ZDHHC5: variants seen among roughly 807,000 people sequenced by gnomAD.
ZDHHC5 encodes palmitoyltransferase ZDHHC5.
In ZDHHC5, 22 loss-of-function variants were observed where a neutral mutation model predicts 70.0. That is an observed-to-expected ratio of 0.31 (90% confidence interval 0.22 to 0.45). The LOEUF (loss-of-function observed/expected upper bound fraction) is 0.45, where lower values mean the gene tolerates loss of function less well. Among genes scored for constraint, ZDHHC5 ranks in the 20% least tolerant of loss-of-function variants. ZDHHC5 has a pLI of 1.00. For missense variants in ZDHHC5, 746 were observed against 926.9 expected (o/e 0.80, Z 2.53); for synonymous variants, 313 against 347.8 (o/e 0.90, Z 1.11).
rs533790768 is a variant in ZDHHC5 at position 57,684,548 on chromosome 11, A to G, written c.226+2005A>G. On this transcript the variant is annotated intron_variant, in intron 3 of 11. Transcript: ENST00000287169. ...AGGATACAGAATTTAGCTTGTTTGT[A>G]GCATGCAGAGATGGAACCAGAGGAG... Among the ~76,000 whole-genome samples, 4 of 152,240 alleles carry G rather than the reference A, an allele frequency of 2.6e-5. No homozygotes were observed. The East Asian group carries it at 5.8e-4, about 22-fold the overall frequency.
At chr11:57,692,247 C>T (rs75967021) in intron 6 of ZDHHC5, among the ~76,000 whole-genome samples, 3,546 of 152,190 alleles carry the variant, frequency 0.023, 70 homozygotes, top group Non-Finnish European at 0.032. Flanking sequence ...TCTCAAATTC[C>T]GGACCTCAGG....
intron 6 of ZDHHC5, among the ~76,000 whole-genome samples, chr11:57,691,387 C>T (rs965669720): frequency 5.3e-5 from 8 of 152,158 alleles, no homozygotes; most frequent in African/African-American, 1.4e-4. Flanking sequence ...TTAGTAGACA[C>T]GGGGTTTCAC....
At chr11:57,687,252 C>G (rs1357051619) in intron 3 of ZDHHC5, among the ~76,000 whole-genome samples, 1 of 26,160 alleles carries the variant, frequency 3.8e-5, no homozygotes, top group Admixed American at 6.9e-4. Flanking sequence ...ATTTTTCCTT[C>G]CCACATTTTT....
rs1228653360 is a variant in ZDHHC5, at chr11:57,695,912, C to T, written c.886-8C>T. Reference sequence around the variant, plus strand: ...TAAATCTGATTTTCCCTCCCTTCATCAATCCAGTCTAAGGGAAGCCTGGAG... The same window carrying T: ...TAAATCTGATTTTCCCTCCCTTCATTAATCCAGTCTAAGGGAAGCCTGGAG... On this transcript the variant is annotated splice_region_variant and splice_polypyrimidine_tract_variant and intron_variant, in intron 8 of 11. Coordinates refer to ENST00000287169, the MANE Select transcript of ZDHHC5 (RefSeq NM_015457.3). 6.2e-7 allele frequency: 1 copy of T among 1,609,952 alleles called. No individual in the cohort carries two copies. Among genetic ancestry groups the T allele is most frequent in the Admixed American group, 1.7e-5 (1 of 58,556 alleles).
At chr11:57,668,852 C>T (rs1945962444) in intron 1 of ZDHHC5, among the ~76,000 whole-genome samples, 1 of 152,198 alleles carries the variant, frequency 6.6e-6, no homozygotes, top group Non-Finnish European at 1.5e-5. Flanking sequence ...TTGGGGCAGG[C>T]AGGTGGAAAG....
rs960626668 is a variant in ZDHHC5 at position 57,682,503 on chromosome 11, C to G, written c.186C>G (p.Phe62Leu). 2 of 1,614,014 alleles carry G rather than the reference C, an allele frequency of 1.2e-6. No homozygotes were observed. The highest frequency in any genetic ancestry group is 2.7e-5 in the African/African-American group (2 of 74,908). Reference protein sequence around the residue: ...AIMFLFVLANFSMATFMDPGI... With the variant: ...AIMFLFVLANLSMATFMDPGI... ...TGTTTCTCTTTGTGTTGGCCAACTT[C>G]AGCATGGCCACCTTCATGGACCCAG... Residue 62 changes from phenylalanine (F) to leucine (L), a missense_variant, in exon 3 of 12, where the codon TTC becomes TTG. Physicochemically the swap from Phe to Leu is conservative, Grantham distance 22. This residue lies in a region of ZDHHC5 where 89 missense variants were observed against 130.7 expected (regional missense o/e 0.68). Transcript: ENST00000287169.
At chr11:57,682,312 A>G (rs1364822873) in intron 2 of ZDHHC5, 110 bp from the exon 3 acceptor site, 2 of 1,411,502 alleles carry the variant, frequency 1.4e-6, no homozygotes, top group African/African-American at 2.9e-5. Flanking sequence ...AAGGTAAACC[A>G]CACAAGATTT....
intron 3 of ZDHHC5, among the ~76,000 whole-genome samples, chr11:57,688,033 A>G (rs968257967): frequency 2.0e-5 from 3 of 151,926 alleles, no homozygotes; most frequent in Admixed American, 2.0e-4. Flanking sequence ...GGCCTCCCAA[A>G]GTGTTGGGAT....
In ZDHHC5 at chr11:57,696,827, G is replaced by A. The variant is rs1354225419; in HGVS notation, c.1076G>A (p.Ser359Asn). 1.2e-6 allele frequency: 2 copies of A among 1,613,970 alleles called. No homozygotes were observed. Among genetic ancestry groups the A allele is most frequent in the East Asian group, 4.5e-5 (2 of 44,900 alleles). The change falls in exon 10 of 12, where the codon AGT becomes AAT. Residue 359 changes from serine to asparagine, a missense_variant. Transcript: ENST00000287169. ...ATGTACAAGTATCGGCCGGGTTACA[G>A]TAGCAGCAGTACGTCAGCTGCCATG... ...PTMYKYRPGYSSSSTSAAMPH... is the reference protein window; with the variant it reads ...PTMYKYRPGYNSSSTSAAMPH...
At chr11:57,690,247 G>A (rs1488302664) in intron 5 of ZDHHC5, 44 bp downstream of exon 5, 1 of 1,613,282 alleles carries the variant, frequency 6.2e-7, no homozygotes. Flanking sequence ...GAAGGGGGAG[G>A]AATGAGGGCT....
rs372567352 is a variant in ZDHHC5 at position 57,668,184 on chromosome 11, G to A, written c.-1074G>A. 8.2e-6 allele frequency: 3 copies of A among 365,454 alleles called. No individual in the cohort carries two copies. 22.6% of individuals were successfully genotyped at this position (365,454 alleles called of 1,614,324 possible). A position where few individuals can be genotyped will look rare whatever the true frequency, so the allele number is the denominator to read the frequency against. ...GGCGGTGGTGACGGGCACCGGGCTC[G>A]CGGGTGAGTGCGGAGGACACCGGTC... On this transcript the variant is annotated 5_prime_UTR_variant, in exon 1 of 12. Transcript: ENST00000287169.
At position 57,699,994 on chromosome 11, in the gene ZDHHC5, CAG is replaced by C. The variant is rs772036824; in HGVS notation, c.2112_2113del (p.Val706TrpfsTer6). On this transcript the variant is annotated frameshift_variant, in exon 12 of 12. Transcript: ENST00000287169. LOFTEE classifies it high-confidence loss of function. ...ACGAGGGGAGGAGTCAAGAAGGTGT[CAG>C]GGGTTGGTGGTACCACCTATGAGAT... The C allele has an allele frequency of 6.2e-7, 1 of 1,610,134 alleles. No individual in the cohort carries two copies. Among genetic ancestry groups the C allele is most frequent in the East Asian group, 2.2e-5 (1 of 44,862 alleles).
chr11:57,677,774 C>CT (rs1168904276), intron 2 of ZDHHC5, among the ~76,000 whole-genome samples: 2 of 152,166 alleles, frequency 1.3e-5, no homozygotes, highest in Admixed American at 1.3e-4. Context: ...TCCCCCGTAA[C>CT]TGCAGAGGTA....
At chr11:57,689,907 A>G (rs1946260103) in intron 4 of ZDHHC5, 124 bp from the exon 5 acceptor site, 3 of 1,275,294 alleles carry the variant, frequency 2.4e-6, no homozygotes, top group Non-Finnish European at 3.3e-6. Context: ...AATAAACTGG[A>G]TTTAATTTTG....
At position 57,695,937 on chromosome 11, in the gene ZDHHC5, G is replaced by C; in HGVS notation, c.903G>C (p.Glu301Asp). Reference protein sequence around the residue: ...LRRTKSKGSLEITESQSADAE... With the variant: ...LRRTKSKGSLDITESQSADAE... ...CAATCCAGTCTAAGGGAAGCCTGGA[G>C]ATAACAGAGAGCCAGTCTGCAGATG... The change falls in exon 9 of 12, where the codon GAG (glutamate) becomes GAC (aspartate). Residue 301 changes from glutamate (E) to aspartate (D), a missense_variant. Coordinates refer to ENST00000287169, the MANE Select transcript of ZDHHC5 (RefSeq NM_015457.3). 3 of 1,614,028 alleles carry C rather than the reference G, an allele frequency of 1.9e-6. No homozygotes were observed. The highest frequency in any genetic ancestry group is 2.5e-6 in the Non-Finnish European group (3 of 1,179,978).
intron 2 of ZDHHC5, among the ~76,000 whole-genome samples, chr11:57,673,614 A>G (rs1026988807): frequency 2.0e-5 from 3 of 152,194 alleles, no homozygotes; most frequent in African/African-American, 7.2e-5. Context: ...TCTGTCACTC[A>G]GGCTGGAGTG....
At position 57,689,970 on chromosome 11, in the gene ZDHHC5, A is replaced by G. The variant is rs1946260658; in HGVS notation, c.385-61A>G. On this transcript the variant is annotated intron_variant, in intron 4 of 11. Coordinates refer to ENST00000287169, the MANE Select transcript of ZDHHC5 (RefSeq NM_015457.3). ...TAGCTGCCATTTGTTTCTCTTCTTG[A>G]CAGAAGTAATTTAATGCTATGGTCC... 30 of 1,552,096 alleles carry G rather than the reference A, an allele frequency of 1.9e-5. No homozygotes were observed. The South Asian group carries it at 3.0e-4, about 15-fold the overall frequency.
rs1442498982 is a variant in ZDHHC5 at position 57,700,620 on chromosome 11, G to A, written c.*589G>A. On this transcript the variant is annotated 3_prime_UTR_variant, in exon 12 of 12. Coordinates refer to ENST00000287169, the MANE Select transcript of ZDHHC5 (RefSeq NM_015457.3). ...AACTACGGAAATAGCATCCTCTGCT[G>A]GTGCTAAGTGTGATTAGGAAGAAGC... is the stretch of plus-strand genomic sequence containing the variant. The A allele has an allele frequency of 6.6e-6, 1 of 152,484 alleles. No homozygotes were observed. The highest frequency in any genetic ancestry group is 2.4e-5 in the African/African-American group (1 of 41,386). 9.4% of individuals were successfully genotyped at this position (152,484 alleles called of 1,614,324 possible).
chr11:57,679,658 G>A (rs958176536), intron 2 of ZDHHC5, among the ~76,000 whole-genome samples: 4 of 152,146 alleles, frequency 2.6e-5, no homozygotes, highest in Non-Finnish European at 5.9e-5. Flanking sequence ...AACATCTCCT[G>A]TTCTGAGCTC....
Sources: gnomAD v4.1 joint callset for allele counts (sites outside exome capture counted in the v4.1 genomes callset) on GRCh38, gnomAD v4.1.1 for gene constraint, gnomAD v4.1.1 regional missense constraint, MANE v1.5 for transcripts, NCBI Gene and HGNC (gene_info 2026-07-23, HGNC 2026-07-21) for gene names.